RPP14: variants seen among roughly 807,000 people sequenced by gnomAD.
RPP14 encodes ribonuclease P protein subunit p14.
RPP14 carries 19 observed loss-of-function variants against 17.8 expected under a neutral mutation model. The observed-to-expected ratio is 1.07, with a 90% confidence interval of 0.74 to 1.57. The LOEUF is 1.57. Among genes scored for constraint, RPP14 ranks in the 40% most tolerant of loss-of-function variants. RPP14 has a pLI of 0.00. For missense variants in RPP14, 125 were observed against 140.8 expected (o/e 0.89, Z 0.57); for synonymous variants, 60 against 56.4 (o/e 1.06, Z -0.29).
At chr3:58,315,336 A>G (rs1323512339) in intron 3 of RPP14, among the ~76,000 whole-genome samples, 6 of 151,580 alleles carry the variant, frequency 4.0e-5, no homozygotes, top group African/African-American at 1.2e-4. Flanking sequence ...TTGAAATACT[A>G]TATATAATCT....
intron 3 of RPP14, 146 bp from the exon 4 acceptor site, chr3:58,316,369 A>C: frequency 1.5e-6 from 1 of 670,890 alleles, no homozygotes; most frequent in Non-Finnish European, 2.6e-6. Flanking sequence ...GGGAGCTGTA[A>C]GTAGGCAACT....
chr3:58,313,802 G>A (rs1039211865), intron 3 of RPP14, among the ~76,000 whole-genome samples: 3 of 152,202 alleles, frequency 2.0e-5, no homozygotes, highest in Non-Finnish European at 4.4e-5. Context: ...CTGGGGGTAG[G>A]GGTGGGAAAG....
At chr3:58,311,436 G>A (rs1029613015) in intron 3 of RPP14, among the ~76,000 whole-genome samples, 1 of 152,196 alleles carries the variant, frequency 6.6e-6, no homozygotes, top group South Asian at 2.1e-4. Context: ...TTACAGGCAC[G>A]AGCCACTGTG....
chr3:58,310,293 T>A lies in RPP14; in HGVS notation c.-21-16T>A. The A allele has an allele frequency of 1.9e-6, 3 of 1,589,028 alleles. No individual in the cohort carries two copies. Among genetic ancestry groups the A allele is most frequent in the Non-Finnish European group, 2.6e-6 (3 of 1,157,620 alleles). ...CATGTGCATTGGTCATTTCTAGCCCTCTTGACTTACTGTAGGTGTGATCAG... is the reference window on the plus strand; with the variant it reads ...CATGTGCATTGGTCATTTCTAGCCCACTTGACTTACTGTAGGTGTGATCAG... On this transcript the variant is annotated splice_polypyrimidine_tract_variant and intron_variant, in intron 1 of 5. Coordinates refer to ENST00000295959, the MANE Select transcript of RPP14 (RefSeq NM_007042.6).
At chr3:58,311,181 G>A (rs1338254097) in intron 3 of RPP14, among the ~76,000 whole-genome samples, 1 of 151,352 alleles carries the variant, frequency 6.6e-6, no homozygotes, top group Non-Finnish European at 1.5e-5. Flanking sequence ...TTGAGATGGA[G>A]TCTTGCTTTG....
intron 3 of RPP14, among the ~76,000 whole-genome samples, chr3:58,314,080 G>T (rs1438801283): frequency 6.6e-6 from 1 of 152,228 alleles, no homozygotes; most frequent in East Asian, 1.9e-4. Context: ...ATGGGGCGTG[G>T]TGGCTCATGC....
intron 1 of RPP14, chr3:58,306,637 T>C (rs111892106): frequency 1.3e-5 from 2 of 152,174 alleles, no homozygotes; most frequent in Non-Finnish European, 2.9e-5. Context: ...GCGCTCTCCA[T>C]GCGCCCGGCG....
intron 3 of RPP14, among the ~76,000 whole-genome samples, chr3:58,314,265 C>T (rs933487055): frequency 1.3e-5 from 2 of 152,128 alleles, no homozygotes; most frequent in African/African-American, 4.8e-5. Context: ...GCAGGAGAAC[C>T]ACTTGAACCT....
rs2097489356 is a variant in RPP14 at position 58,317,323 on chromosome 3, C to T, written c.319-117C>T. ...ATCGAAGGCTTCCTCTCAGGATGCTCTGTAAAATGCTCCTGCATCAGCTTT... is the reference window on the plus strand; with the variant it reads ...ATCGAAGGCTTCCTCTCAGGATGCTTTGTAAAATGCTCCTGCATCAGCTTT... On this transcript the variant is annotated intron_variant, in intron 5 of 5. Transcript: ENST00000295959. 5.8e-6 allele frequency: 4 copies of T among 684,748 alleles called. No individual in the cohort carries two copies. The South Asian group carries it at 7.6e-5, about 13-fold the overall frequency. The allele number at this position is 684,748 out of a possible 1,614,324, so 42.4% of individuals were successfully genotyped here.
intron 3 of RPP14, among the ~76,000 whole-genome samples, chr3:58,311,462 T>C (rs78412482): frequency 1.3e-5 from 2 of 152,166 alleles, no homozygotes; most frequent in African/African-American, 4.8e-5. Flanking sequence ...CAAGATCTGC[T>C]TTTTTAGCTC....
Position 58,319,663 on chromosome 3 carries a change from TAAGAAG to T in RPP14, c.*2169_*2174del, listed in dbSNP as rs1262626212. The T allele has an allele frequency of 6.6e-6, 1 of 151,872 alleles. No homozygotes were observed. The highest frequency in any genetic ancestry group is 1.5e-5 in the Non-Finnish European group (1 of 68,008). 9.4% of individuals were successfully genotyped at this position (151,872 alleles called of 1,614,324 possible). A position where few individuals can be genotyped will look rare whatever the true frequency, so the allele number is the denominator to read the frequency against. On this transcript the variant is annotated 3_prime_UTR_variant, in exon 6 of 6. Transcript: ENST00000295959. ...AAAAAAAATTGTAAGAAATAAATAT[TAAGAAG>T]ATTATGGAGGCCAAATTCTTAAGAC...
intron 5 of RPP14, 52 bp from the exon 6 acceptor site, chr3:58,317,388 G>C: frequency 4.9e-6 from 6 of 1,227,186 alleles, no homozygotes; most frequent in Non-Finnish European, 7.1e-6. Flanking sequence ...CCATTGCCCT[G>C]TGCTTCAGTG....
rs1239353112 is a variant in RPP14, at chr3:58,310,488, T to G, written c.78-19T>G. ...AGAATGAAATTTAATATGACTTTTTTTTTTTTCACTTTTTTTAGAGAATTT... is the reference window on the plus strand; with the variant it reads ...AGAATGAAATTTAATATGACTTTTTGTTTTTTCACTTTTTTTAGAGAATTT... On this transcript the variant is annotated intron_variant, in intron 2 of 5. Transcript: ENST00000295959. 6.2e-6 allele frequency: 10 copies of G among 1,606,126 alleles called. No homozygotes were observed. Among genetic ancestry groups the G allele is most frequent in the Non-Finnish European group, 8.5e-6 (10 of 1,176,834 alleles).
chr3:58,307,523 G>A (rs2097476814), intron 1 of RPP14, among the ~76,000 whole-genome samples: 1 of 152,142 alleles, frequency 6.6e-6, no homozygotes, highest in Admixed American at 6.5e-5. Flanking sequence ...CCAGGAGTTC[G>A]AGACCAGCCT....
At chr3:58,317,083 A>G in intron 5 of RPP14, 90 bp downstream of exon 5, 1 of 929,078 alleles carries the variant, frequency 1.1e-6, no homozygotes, top group Non-Finnish European at 1.7e-6. Flanking sequence ...GTGCTTGCAT[A>G]AATGTAATAT....
Position 58,318,079 on chromosome 3 carries a change from G to A in RPP14, c.*583G>A, listed in dbSNP as rs912031026. On this transcript the variant is annotated 3_prime_UTR_variant, in exon 6 of 6. Coordinates refer to ENST00000295959, the MANE Select transcript of RPP14 (RefSeq NM_007042.6). ...AGAAAGTAAAAAGACTGTTATGGAAGGCTGGGTTAAAGTTATGGTTCCAGA... is the reference window on the plus strand; with the variant it reads ...AGAAAGTAAAAAGACTGTTATGGAAAGCTGGGTTAAAGTTATGGTTCCAGA... The A allele has an allele frequency of 1.5e-6, 1 of 676,608 alleles. No individual in the cohort carries two copies. The highest frequency in any genetic ancestry group is 1.8e-5 in the African/African-American group (1 of 55,560). The allele number at this position is 676,608 out of a possible 1,614,324, so 41.9% of individuals were successfully genotyped here.
At chr3:58,315,664 C>T (rs1245853065) in intron 3 of RPP14, 1 of 152,150 alleles carries the variant, frequency 6.6e-6, no homozygotes, top group Non-Finnish European at 1.5e-5. Flanking sequence ...CCTCCCTGTA[C>T]ATTTCTTTTT....
intron 5 of RPP14, 59 bp downstream of exon 5, chr3:58,317,052 T>A: frequency 1.7e-6 from 2 of 1,194,912 alleles, no homozygotes; most frequent in Non-Finnish European, 2.5e-6. Flanking sequence ...AACTGCTTCT[T>A]AATATACACA....
Position 58,318,306 on chromosome 3 carries a change from T to TCATTATCTGCCTGGGTGTATGCAG in RPP14, c.*810_*811insCATTATCTGCCTGGGTGTATGCAG. The stretch of plus-strand genomic sequence containing the variant: ...TTTGGCCTTATGCTTCATGCAGACT[T>TCATTATCTGCCTGGGTGTATGCAG]GAGTGTATGCAGGATTTCATTATCT... On this transcript the variant is annotated 3_prime_UTR_variant, in exon 6 of 6. Coordinates refer to ENST00000295959, the MANE Select transcript of RPP14 (RefSeq NM_007042.6). The TCATTATCTGCCTGGGTGTATGCAG allele has an allele frequency of 2.0e-6, 1 of 507,248 alleles. No individual in the cohort carries two copies. Among genetic ancestry groups the TCATTATCTGCCTGGGTGTATGCAG allele is most frequent in the South Asian group, 3.5e-5 (1 of 28,694 alleles). 31.4% of individuals were successfully genotyped at this position (507,248 alleles called of 1,614,324 possible). A position where few individuals can be genotyped will look rare whatever the true frequency, so the allele number is the denominator to read the frequency against.
Sources: gnomAD v4.1 joint callset for allele counts (sites outside exome capture counted in the v4.1 genomes callset) on GRCh38, gnomAD v4.1.1 for gene constraint, MANE v1.5 for transcripts, NCBI Gene and HGNC (gene_info 2026-07-23, HGNC 2026-07-21) for gene names.